The following TBC1D30 variants were observed in gnomAD, a reference collection of about 807,000 sequenced individuals.
TBC1D30 encodes TBC1 domain family, member 30.
Under a neutral mutation model 63.2 loss-of-function variants are expected in TBC1D30, and 31 were observed. That is an observed-to-expected ratio of 0.49 (90% CI 0.37 to 0.66). TBC1D30 has a LOEUF of 0.66. TBC1D30 is among the 30% of genes least tolerant of loss of function. The pLI is 0.00. For synonymous variants in TBC1D30, 307 were observed against 361.5 expected (o/e 0.85, Z 1.71); for missense variants, 810 against 953.6 (o/e 0.85, Z 1.98).
At chr12:64,854,111 C>T (rs755845407) in intron 8 of TBC1D30, among the ~76,000 whole-genome samples, 32 of 152,180 alleles carry the variant, frequency 2.1e-4, no homozygotes, top group Non-Finnish European at 4.6e-4. Context: ...CTTACCCCTG[C>T]CATTTTGTTA....
At chr12:64,797,233 T>C (rs949499911) in intron 2 of TBC1D30, among the ~76,000 whole-genome samples, 1 of 152,216 alleles carries the variant, frequency 6.6e-6, no homozygotes, top group Admixed American at 6.5e-5. Flanking sequence ...GTTTGGGAAC[T>C]GTTGGACTGT....
chr12:64,875,637 T>C lies in TBC1D30; in HGVS notation c.2135T>C (p.Phe712Ser). ...TCAAAAACCCCCATCTTTAGCCCTTTTCCCAGCGTCAAGCCCCTGCGGAAA... is the reference window on the plus strand; with the variant it reads ...TCAAAAACCCCCATCTTTAGCCCTTCTCCCAGCGTCAAGCCCCTGCGGAAA... ...SNSKTPIFSP[F>S]PSVKPLRKSA... The change falls in exon 12 of 12, where the codon TTT becomes TCT. Residue 712 changes from phenylalanine to serine, a missense_variant. By Grantham distance (155) the Phe-to-Ser change is radical (BLOSUM62 -2). This residue lies in a region of TBC1D30 where 450 missense variants were observed against 473.0 expected (regional missense o/e 0.95). Coordinates refer to ENST00000539867, the MANE Select transcript of TBC1D30 (RefSeq NM_015279.2). 2 of 1,536,210 alleles carry C rather than the reference T, an allele frequency of 1.3e-6. No homozygotes were observed. The highest frequency in any genetic ancestry group is 1.7e-6 in the Non-Finnish European group (2 of 1,146,938).
chr12:64,762,150 A>T (rs181173961), intron 1 of TBC1D30, among the ~76,000 whole-genome samples: 4 of 152,284 alleles, frequency 2.6e-5, no homozygotes, highest in African/African-American at 9.6e-5. Flanking sequence ...TTAATGGAGT[A>T]TTGGGGTGGT....
Position 64,880,974 on chromosome 12 carries a change from C to G in TBC1D30, c.*5186C>G, listed in dbSNP as rs1283170591. On this transcript the variant is annotated 3_prime_UTR_variant, in exon 12 of 12. Coordinates refer to ENST00000539867, the MANE Select transcript of TBC1D30 (RefSeq NM_015279.2). ...TACCTCAGCCTAGGAATCTCCCTAT[C>G]CCTGGAGAGTCCAGGAATCTATATT... is the stretch of plus-strand genomic sequence containing the variant. The G allele has an allele frequency of 1.3e-5, 2 of 152,148 alleles. No homozygotes were observed. The allele number at this position is 152,148 out of a possible 1,614,324, so 9.4% of individuals were successfully genotyped here. A position where few individuals can be genotyped will look rare whatever the true frequency, so the allele number is the denominator to read the frequency against.
At chr12:64,769,795 C>T (rs959766415) in intron 1 of TBC1D30, among the ~76,000 whole-genome samples, 1 of 152,168 alleles carries the variant, frequency 6.6e-6, no homozygotes, top group Non-Finnish European at 1.5e-5. Flanking sequence ...GCTGGGATTA[C>T]AGGTGTGAGC....
intron 2 of TBC1D30, among the ~76,000 whole-genome samples, chr12:64,815,718 G>A (rs3851608): frequency 0.67 from 101,872 of 152,052 alleles, 34,483 homozygotes; most frequent in East Asian, 0.9. Flanking sequence ...GCTTAATTAC[G>A]TGAACTTCCA....
At chr12:64,788,728 G>C (rs1871742759) in intron 2 of TBC1D30, among the ~76,000 whole-genome samples, 1 of 152,134 alleles carries the variant, frequency 6.6e-6, no homozygotes, top group Admixed American at 6.5e-5. Context: ...TTGCATTTCA[G>C]AGAATACAGG....
At chr12:64,855,574 A>G (rs1877230747) in intron 8 of TBC1D30, among the ~76,000 whole-genome samples, 1 of 152,080 alleles carries the variant, frequency 6.6e-6, no homozygotes, top group African/African-American at 2.4e-5. Flanking sequence ...CTTCAAGCTC[A>G]CTAATTATTC....
intron 2 of TBC1D30, among the ~76,000 whole-genome samples, chr12:64,816,620 T>C (rs907237928): frequency 6.6e-6 from 1 of 152,218 alleles, no homozygotes; most frequent in African/African-American, 2.4e-5. Flanking sequence ...TCATTTTAAA[T>C]GTCCTTTCAC....
At chr12:64,778,060 C>A (rs142128793), upstream of TBC1D30, among the ~76,000 whole-genome samples, 1,536 of 152,336 alleles carry the variant, frequency 0.01, 33 homozygotes, top group African/African-American at 0.035. Flanking sequence ...CTGCACCCAG[C>A]CATCAGTGGT....
chr12:64,875,232 C>G lies in TBC1D30; in HGVS notation c.1730C>G (p.Pro577Arg). 6.5e-7 allele frequency: 1 copy of G among 1,536,308 alleles called. No homozygotes were observed. The highest frequency in any genetic ancestry group is 8.7e-7 in the Non-Finnish European group (1 of 1,146,916). ...ATCCGAGTCCACAAAAAGAACATGCCAAGGACCAAGAGTCATCCGGGCTGT... is the reference window on the plus strand; with the variant it reads ...ATCCGAGTCCACAAAAAGAACATGCGAAGGACCAAGAGTCATCCGGGCTGT... ...THIRVHKKNM[P>R]RTKSHPGCGD... The change falls in exon 12 of 12, where the codon CCA becomes CGA. Residue 577 changes from proline (P) to arginine (R), a missense_variant. Pro to Arg is a moderately radical substitution (Grantham distance 103). Coordinates refer to ENST00000539867, the MANE Select transcript of TBC1D30 (RefSeq NM_015279.2).
chr12:64,836,697 C>T, intron 6 of TBC1D30, 39 bp downstream of exon 6: 1 of 1,496,576 alleles, frequency 6.7e-7, no homozygotes, highest in Non-Finnish European at 9.0e-7. Context: ...AAATATTTGT[C>T]TTCTCTGATT....
chr12:64,858,933 G>C (rs1264063681), intron 8 of TBC1D30, among the ~76,000 whole-genome samples: 1 of 152,064 alleles, frequency 6.6e-6, no homozygotes, highest in African/African-American at 2.4e-5. Flanking sequence ...GGGGTGGAGT[G>C]AGTTGGAGGA....
chr12:64,761,809 C>A (rs555085699), intron 1 of TBC1D30, among the ~76,000 whole-genome samples: 22 of 152,320 alleles, frequency 1.4e-4, no homozygotes, highest in African/African-American at 5.1e-4. Context: ...AATAAACTTT[C>A]TTTCACTTTA....
chr12:64,830,953 T>C (rs1874804136), intron 4 of TBC1D30, among the ~76,000 whole-genome samples: 1 of 152,178 alleles, frequency 6.6e-6, no homozygotes, highest in South Asian at 2.1e-4. Flanking sequence ...CAAATACTTG[T>C]GGGTTCAAGC....
intron 8 of TBC1D30, among the ~76,000 whole-genome samples, chr12:64,856,709 T>TAG (rs747119143): frequency 5.9e-5 from 9 of 152,018 alleles, no homozygotes; most frequent in Non-Finnish European, 1.3e-4. Context: ...CAGGTGTGTC[T>TAG]AGAGTTTTTT....
Position 64,836,645 on chromosome 12 carries a change from C to T in TBC1D30, c.750C>T (p.Asn250=). The T allele has an allele frequency of 6.5e-7, 1 of 1,533,898 alleles. No homozygotes were observed. The highest frequency in any genetic ancestry group is 8.7e-7 in the Non-Finnish European group (1 of 1,145,392). The change falls in exon 6 of 12, where the codon AAC becomes AAT. Residue 250 remains asparagine, a synonymous_variant. Coordinates refer to ENST00000539867, the MANE Select transcript of TBC1D30 (RefSeq NM_015279.2). The part of the protein sequence containing the change: ...QHLDTLQRTA[N]KESGGGYEPP... ...TGGATACTCTTCAGAGAACTGCAAACAAAGAAAGTGGAGGTAGGTTTCAAT... is the reference window on the plus strand; with the variant it reads ...TGGATACTCTTCAGAGAACTGCAAATAAAGAAAGTGGAGGTAGGTTTCAAT...
At chr12:64,865,874 T>G (rs1294015489) in intron 9 of TBC1D30, among the ~76,000 whole-genome samples, 2 of 152,156 alleles carry the variant, frequency 1.3e-5, no homozygotes, top group Non-Finnish European at 2.9e-5. Context: ...CCAGTAGAGC[T>G]GTAAGAAAGC....
At chr12:64,868,815 A>G (rs12302083) in intron 10 of TBC1D30, 6,507 of 159,028 alleles carry the variant, frequency 0.041, 451 homozygotes, top group African/African-American at 0.15. Context: ...ATGTCCTCCA[A>G]AGCTTTCTCA....
Sources: gnomAD v4.1 joint callset for allele counts (sites outside exome capture counted in the v4.1 genomes callset) on GRCh38, gnomAD v4.1.1 for gene constraint, gnomAD v4.1.1 regional missense constraint, MANE v1.5 for transcripts, NCBI Gene and HGNC (gene_info 2026-07-23, HGNC 2026-07-21) for gene names.